Variants in STK32C observed in about 807,000 individuals in gnomAD.
STK32C encodes the protein serine/threonine-protein kinase 32C.
STK32C carries 31 observed loss-of-function variants against 56.5 expected under a neutral mutation model. The ratio of observed to expected loss-of-function variants is 0.55; its 90% CI spans 0.41 to 0.74. The LOEUF (loss-of-function observed/expected upper bound fraction) is 0.74, where lower values mean the gene tolerates loss of function less well. Among genes scored for constraint, STK32C ranks in the 30% least tolerant of loss-of-function variants. STK32C has a pLI of 0.00. For missense variants in STK32C, 544 were observed against 676.9 expected (o/e 0.80, Z 2.18); for synonymous variants, 309 against 289.4 (o/e 1.07, Z -0.69).
At chr10:132,233,693 C>T (rs556120220) in intron 2 of STK32C, among the ~76,000 whole-genome samples, 4 of 152,320 alleles carry the variant, frequency 2.6e-5, no homozygotes, top group African/African-American at 7.2e-5. Context: ...GCTGGGAACC[C>T]CCCATGCCCT....
exon 1 of STK32C, chr10:132,331,780 C>T: frequency 6.2e-7 from 1 of 1,608,260 alleles, no homozygotes; most frequent in South Asian, 1.1e-5. Context: ...GTCGCCCCTC[C>T]AGACCCTCGC....
Position 132,224,262 on chromosome 10 carries a change from G to C in STK32C, c.993+145C>G. The C allele has an allele frequency of 4.6e-6, 3 of 658,380 alleles. No individual in the cohort carries two copies. The South Asian group carries it at 5.2e-5, about 12-fold the overall frequency. 40.8% of individuals were successfully genotyped at this position (658,380 alleles called of 1,614,324 possible). On this transcript the variant is annotated intron_variant, in intron 8 of 11. Coordinates refer to ENST00000298630, the MANE Select transcript of STK32C (RefSeq NM_173575.4). ...GGGGCTTGGGGCTGCCATCTGCGGA[G>C]GCCCCCACAGGTTGCAGTGAAGGGA... is the stretch of plus-strand genomic sequence containing the variant.
chr10:132,279,707 C>T (rs34855191), intron 1 of STK32C, among the ~76,000 whole-genome samples: 3,603 of 146,966 alleles, frequency 0.025, 86 homozygotes, highest in Non-Finnish European at 0.037. Flanking sequence ...TCCGTGATCA[C>T]GACACTCCAC....
At chr10:132,261,027 G>C (rs7923879) in intron 1 of STK32C, among the ~76,000 whole-genome samples, 95,174 of 136,194 alleles carry the variant, frequency 0.7, 33,724 homozygotes, top group Admixed American at 0.74. Flanking sequence ...CTGGCATCCC[G>C]ACCTCCCACA....
At chr10:132,308,115 A>G (rs1590475857), upstream of STK32C, 1 of 46,702 alleles carries the variant, frequency 2.1e-5, no homozygotes, top group African/African-American at 9.3e-5. Flanking sequence ...GGCGGGGCCG[A>G]GCCGGGGGCG....
chr10:132,307,980 A>G (rs2066134147), upstream of STK32C: 1 of 845,180 alleles, frequency 1.2e-6, no homozygotes, highest in East Asian at 1.6e-4. This position sits in a 1 kb window ranked among gnomAD's most constrained non-coding sequence, Gnocchi z 4.4. Flanking sequence ...GTAGATTGCG[A>G]GCGCTGGGGG....
In STK32C at chr10:132,238,957, C is replaced by A. The variant is rs2063400098; in HGVS notation, c.318+6943G>T. On this transcript the variant is annotated intron_variant, in intron 2 of 11. Transcript: ENST00000298630. The stretch of plus-strand genomic sequence containing the variant: ...CAGGCTGCAGTGCCGGGGTGACTGT[C>A]CAGCCCTGTCGGGTCCTCAGTGCTC... Among the ~76,000 whole-genome samples the A allele has an allele frequency of 2.0e-5, 3 of 152,202 alleles. No individual in the cohort carries two copies. In the South Asian group the frequency reaches 6.2e-4, roughly 31 times the overall value.
chr10:132,221,051 T>C (rs1158167602), intron 10 of STK32C, among the ~76,000 whole-genome samples: 2 of 152,230 alleles, frequency 1.3e-5, no homozygotes, highest in East Asian at 1.9e-4. Context: ...CGCATTGCTG[T>C]TCTTCAACCA....
chr10:132,245,107 C>T (rs893234751), intron 2 of STK32C, among the ~76,000 whole-genome samples: 10 of 152,298 alleles, frequency 6.6e-5, no homozygotes, highest in Middle Eastern at 6.8e-3. Flanking sequence ...CATTCAAATA[C>T]CCTACGTATT....
At chr10:132,266,001 C>T (rs1184234968) in intron 1 of STK32C, among the ~76,000 whole-genome samples, 6 of 152,174 alleles carry the variant, frequency 3.9e-5, no homozygotes, top group African/African-American at 1.2e-4. Flanking sequence ...GCTATTTACA[C>T]AAAAGGAATG....
intron 1 of STK32C, among the ~76,000 whole-genome samples, chr10:132,296,064 C>T (rs2065736956): frequency 6.7e-6 from 1 of 148,436 alleles, no homozygotes; most frequent in African/African-American, 2.5e-5. Flanking sequence ...CCAGCATCGG[C>T]AGGAAGGTGT....
chr10:132,327,119 G>A (rs1157378392), intron 1 of STK32C, among the ~76,000 whole-genome samples: 5 of 152,172 alleles, frequency 3.3e-5, no homozygotes, highest in Non-Finnish European at 4.4e-5. Flanking sequence ...CAATTCTCAC[G>A]TGCTGTGGGA....
chr10:132,286,758 C>T (rs1441873739), intron 1 of STK32C, among the ~76,000 whole-genome samples: 4 of 152,132 alleles, frequency 2.6e-5, no homozygotes, highest in Non-Finnish European at 5.9e-5. Context: ...ATTTCCTCTA[C>T]CTGATAAAAA....
At chr10:132,312,797 T>C (rs911392810), upstream of STK32C, among the ~76,000 whole-genome samples, 7 of 152,196 alleles carry the variant, frequency 4.6e-5, no homozygotes, top group African/African-American at 1.4e-4. Context: ...CCCAACACTT[T>C]GGGAGGCCGA....
At chr10:132,232,028 T>C (rs894282779) in intron 2 of STK32C, among the ~76,000 whole-genome samples, 139 of 152,354 alleles carry the variant, frequency 9.1e-4, no homozygotes, top group African/African-American at 3.3e-3. Context: ...CCACGCCTCC[T>C]GTGTCTCTGC....
chr10:132,299,977 C>T (rs2065866128), intron 1 of STK32C, among the ~76,000 whole-genome samples: 1 of 152,174 alleles, frequency 6.6e-6, no homozygotes, highest in African/African-American at 2.4e-5. Context: ...GCACCAAAAC[C>T]CCCGCGGACT....
rs372855912 is a variant in STK32C, at chr10:132,222,918, G to A, written c.1062C>T (p.Ala354=). ...LQDVQAAPAL[A]GVLWDHLSEK... ...CGCTCAGGTGGTCCCACAGCACGCCGGCCAGCGCCGGGGCTGCCTGCACGT... is the reference window on the plus strand; with the variant it reads ...CGCTCAGGTGGTCCCACAGCACGCCAGCCAGCGCCGGGGCTGCCTGCACGT... Residue 354 remains alanine, a synonymous_variant, in exon 9 of 12, where the codon GCC becomes GCT. Transcript: ENST00000298630. 8.3e-6 allele frequency: 13 copies of A among 1,560,360 alleles called. No homozygotes were observed. Among genetic ancestry groups the A allele is most frequent in the African/African-American group, 4.1e-5 (3 of 73,476 alleles).
intron 10 of STK32C, among the ~76,000 whole-genome samples, chr10:132,215,805 C>T (rs2062453517): frequency 2.0e-5 from 3 of 152,168 alleles, no homozygotes; most frequent in Admixed American, 1.3e-4. Flanking sequence ...CAGAAGAAGA[C>T]AGGAAAATGT....
At chr10:132,290,781 C>T (rs1450699509) in intron 1 of STK32C, among the ~76,000 whole-genome samples, 1 of 152,082 alleles carries the variant, frequency 6.6e-6, no homozygotes, top group Non-Finnish European at 1.5e-5. Flanking sequence ...CCATCATACC[C>T]AAGGCCACCA....
Sources: allele counts gnomAD v4.1 joint callset (sites outside exome capture counted in the v4.1 genomes callset), GRCh38; gene constraint gnomAD v4.1.1; non-coding constraint Gnocchi (gnomAD v3.1); transcripts MANE v1.5; gene names NCBI Gene and HGNC (gene_info 2026-07-23, HGNC 2026-07-21).